Variants in CREB5 observed in about 807,000 individuals in gnomAD.
CREB5 encodes the protein cAMP responsive element binding protein 5, also known as cyclic AMP-responsive element-binding protein 5.
CREB5 carries 19 observed loss-of-function variants against 57.1 expected under a neutral mutation model. The observed-to-expected ratio is 0.33, with a 90% CI of 0.23 to 0.49. The LOEUF (loss-of-function observed/expected upper bound fraction) is 0.49, where lower values mean the gene tolerates loss of function less well. Ranked by LOEUF, CREB5 falls within the 20% of genes least tolerant of loss-of-function variation. CREB5 has a pLI of 0.99. For missense variants in CREB5, 579 were observed against 671.6 expected (o/e 0.86, Z 1.52); for synonymous variants, 238 against 238.3 (o/e 1.00, Z 0.01).
intron 5 of CREB5, among the ~76,000 whole-genome samples, chr7:28,603,202 T>C (rs888699606): frequency 6.6e-6 from 1 of 152,188 alleles, no homozygotes; most frequent in Non-Finnish European, 1.5e-5. Context: ...AATGTGAGCA[T>C]CCAAAGGTCA....
At chr7:28,417,353 C>T (rs1464321270) in intron 1 of CREB5, among the ~76,000 whole-genome samples, 6 of 145,058 alleles carry the variant, frequency 4.1e-5, no homozygotes, top group African/African-American at 1.0e-4. Context: ...CTTTCTCTCT[C>T]TTTTTTTTTT....
chr7:28,345,152 C>T (rs1786019825), intron 1 of CREB5, among the ~76,000 whole-genome samples: 1 of 152,004 alleles, frequency 6.6e-6, no homozygotes, highest in African/African-American at 2.4e-5. Flanking sequence ...ACACTTTAGA[C>T]AAAATAGACC....
chr7:28,317,754 G>A (rs539028249), intron 1 of CREB5, among the ~76,000 whole-genome samples: 1 of 152,282 alleles, frequency 6.6e-6, no homozygotes. Context: ...CAATAATAAT[G>A]TACAGTGTGT....
intron 1 of CREB5, among the ~76,000 whole-genome samples, chr7:28,356,323 G>A (rs1166781544): frequency 2.6e-5 from 4 of 152,224 alleles, no homozygotes; most frequent in Non-Finnish European, 4.4e-5. Flanking sequence ...AAGTGGGTAT[G>A]TATTTGTATT....
At chr7:28,436,013 A>G (rs1411484212) in intron 1 of CREB5, among the ~76,000 whole-genome samples, 1 of 152,150 alleles carries the variant, frequency 6.6e-6, no homozygotes, top group Non-Finnish European at 1.5e-5. Flanking sequence ...GGCTTGTGGC[A>G]TGATGGTTTA....
chr7:28,625,682 A>G (rs1356532420), intron 5 of CREB5, among the ~76,000 whole-genome samples: 1 of 152,200 alleles, frequency 6.6e-6, no homozygotes, highest in Non-Finnish European at 1.5e-5. Flanking sequence ...CTAGGATGAA[A>G]AAACATGCAA....
intron 7 of CREB5, among the ~76,000 whole-genome samples, chr7:28,789,336 G>C (rs1807526746): frequency 6.6e-6 from 1 of 152,148 alleles, no homozygotes; most frequent in Admixed American, 6.6e-5. Context: ...TACTGTGAGA[G>C]TGTTCGCCTC....
At chr7:28,743,668 C>T (rs1009230345) in intron 7 of CREB5, among the ~76,000 whole-genome samples, 2 of 152,034 alleles carry the variant, frequency 1.3e-5, no homozygotes, top group Non-Finnish European at 2.9e-5. Flanking sequence ...TCTCAAAATT[C>T]TGGAGGGTGG....
At chr7:28,814,765 A>G (rs957232156) in intron 9 of CREB5, among the ~76,000 whole-genome samples, 1 of 152,066 alleles carries the variant, frequency 6.6e-6, no homozygotes, top group Non-Finnish European at 1.5e-5. Flanking sequence ...ATTATTCTCA[A>G]CTCTCAAGTG....
At chr7:28,715,204 A>G (rs1802614826) in intron 5 of CREB5, among the ~76,000 whole-genome samples, 1 of 152,238 alleles carries the variant, frequency 6.6e-6, no homozygotes, top group African/African-American at 2.4e-5. Flanking sequence ...ATAAAAAATC[A>G]ATAATAACGT....
intron 7 of CREB5, among the ~76,000 whole-genome samples, chr7:28,742,560 C>T (rs1010989638): frequency 3.6e-5 from 5 of 138,988 alleles, no homozygotes; most frequent in South Asian, 4.7e-4. Context: ...AGCAAGACTC[C>T]GTCTCAAAAA....
intron 7 of CREB5, among the ~76,000 whole-genome samples, chr7:28,796,748 T>C (rs1430484782): frequency 6.6e-6 from 1 of 152,254 alleles, no homozygotes; most frequent in Non-Finnish European, 1.5e-5. Flanking sequence ...ACTTGGATCC[T>C]TTCTCTGATG....
intron 1 of CREB5, among the ~76,000 whole-genome samples, chr7:28,310,104 CA>C (rs1785250108): frequency 6.6e-6 from 1 of 152,128 alleles, no homozygotes; most frequent in African/African-American, 2.4e-5. Flanking sequence ...CACAGACGCC[CA>C]AAGTGCAGTA....
At chr7:28,771,327 A>C (rs1226817052) in intron 7 of CREB5, among the ~76,000 whole-genome samples, 2 of 152,144 alleles carry the variant, frequency 1.3e-5, no homozygotes, top group Non-Finnish European at 2.9e-5. Context: ...CAATGAAAAA[A>C]ATTCAGAGTC....
intron 7 of CREB5, among the ~76,000 whole-genome samples, chr7:28,756,280 C>T (rs113573745): frequency 2.2e-4 from 33 of 152,138 alleles, no homozygotes; most frequent in African/African-American, 6.7e-4. Context: ...TGGCTGGGCA[C>T]GGTGGCTCAC....
chr7:28,707,376 G>A (rs548051795), intron 5 of CREB5, among the ~76,000 whole-genome samples: 4 of 152,264 alleles, frequency 2.6e-5, no homozygotes, highest in South Asian at 4.2e-4. Context: ...TTACAGCCAC[G>A]TAGTTTTTGC....
chr7:28,676,233 C>T (rs1800317011), intron 5 of CREB5, among the ~76,000 whole-genome samples: 1 of 152,188 alleles, frequency 6.6e-6, no homozygotes. Flanking sequence ...CAAATCTACA[C>T]ACAGATTATT....
intron 1 of CREB5, among the ~76,000 whole-genome samples, chr7:28,414,811 C>T (rs987440846): frequency 2.0e-5 from 3 of 151,562 alleles, no homozygotes; most frequent in Non-Finnish European, 4.4e-5. Context: ...AAGAGAGAAG[C>T]CTTTTAGAAA....
At chr7:28,357,097 G>T (rs1786361973) in intron 1 of CREB5, among the ~76,000 whole-genome samples, 1 of 152,168 alleles carries the variant, frequency 6.6e-6, no homozygotes, top group Non-Finnish European at 1.5e-5. Flanking sequence ...AGCCACAGAA[G>T]GAGTTACCTG....
Sources: gnomAD v4.1 joint callset for allele counts (sites outside exome capture counted in the v4.1 genomes callset) on GRCh38, gnomAD v4.1.1 for gene constraint, MANE v1.5 for transcripts, NCBI Gene and HGNC (gene_info 2026-07-23, HGNC 2026-07-21) for gene names.